Variants in PLA2R1 observed in about 807,000 individuals in gnomAD.
PLA2R1 encodes the protein phospholipase A2 receptor 1.
Under a neutral mutation model 195.9 loss-of-function variants are expected in PLA2R1, and 158 were observed. That is an observed-to-expected ratio of 0.81 (90% CI 0.71 to 0.92). The LOEUF is 0.92. Among genes scored for constraint, PLA2R1 ranks in the 40% least tolerant of loss-of-function variants. The pLI, the probability that PLA2R1 is intolerant of heterozygous loss-of-function variation, is 0.00. For missense variants in PLA2R1, 1,626 were observed against 1,764.6 expected, an observed-to-expected ratio of 0.92 and a Z score of 1.41; for synonymous variants, 586 against 598.2, an observed-to-expected ratio of 0.98 and a Z score of 0.30.
chr2:160,003,324 CT>C (rs1369411681), intron 11 of PLA2R1, among the ~76,000 whole-genome samples: 3 of 151,760 alleles, frequency 2.0e-5, no homozygotes, highest in African/African-American at 7.3e-5. Context: ...AAAATATAAA[CT>C]TTTTTACTAC....
At chr2:159,964,796 C>T (rs1210385521) in intron 20 of PLA2R1, among the ~76,000 whole-genome samples, 7 of 151,902 alleles carry the variant, frequency 4.6e-5, no homozygotes, top group Non-Finnish European at 8.8e-5. Flanking sequence ...TTTGGGAGAC[C>T]AAGGCGGGCG....
Position 159,967,581 on chromosome 2 carries a change from T to C in PLA2R1, c.2862A>G (p.Gln954=). ...GCCATCCTTTGGGACACGTTCCATG[T>C]TGTTTTGGTGTATCTTTCTTTTTCT... ...LIEKKKDTPK[Q]HGTCPKGWLY... Residue 954 remains glutamine, a synonymous_variant, in exon 20 of 30, where the codon CAA becomes CAG. Coordinates refer to ENST00000283243, the MANE Select transcript of PLA2R1 (RefSeq NM_007366.5). 6.2e-7 allele frequency: 1 copy of C among 1,613,836 alleles called. No homozygotes were observed. Among genetic ancestry groups the C allele is most frequent in the Non-Finnish European group, 8.5e-7 (1 of 1,179,762 alleles).
At chr2:159,946,273 G>C in intron 27 of PLA2R1, 2 of 985,104 alleles carry the variant, frequency 2.0e-6, no homozygotes, top group Non-Finnish European at 2.4e-6. Flanking sequence ...GTACACCACT[G>C]TAACAAGCTC....
intron 18 of PLA2R1, among the ~76,000 whole-genome samples, 161 bp downstream of exon 18, chr2:159,969,987 A>G (rs553747983): frequency 1.3e-5 from 2 of 152,340 alleles, no homozygotes; most frequent in Non-Finnish European, 2.9e-5. Context: ...TTTCATAAGC[A>G]TATTCTTTAA....
At chr2:160,050,485 C>G (rs1437950720) in intron 1 of PLA2R1, among the ~76,000 whole-genome samples, 1 of 152,100 alleles carries the variant, frequency 6.6e-6, no homozygotes, top group Non-Finnish European at 1.5e-5. Context: ...AGTTTTATAT[C>G]TATCTACTAT....
chr2:160,050,408 A>G (rs780206928), intron 1 of PLA2R1, among the ~76,000 whole-genome samples: 2 of 152,146 alleles, frequency 1.3e-5, no homozygotes, highest in Non-Finnish European at 2.9e-5. Flanking sequence ...GCTGGATGGA[A>G]CTGTAAAGAT....
chr2:160,002,615 A>C (rs924476628), intron 11 of PLA2R1, among the ~76,000 whole-genome samples: 38 of 152,146 alleles, frequency 2.5e-4, no homozygotes, highest in African/African-American at 8.9e-4. Context: ...GGAGCTTTTT[A>C]AAAAATGCGG....
At chr2:159,972,056 T>C (rs1689226450) in intron 17 of PLA2R1, among the ~76,000 whole-genome samples, 1 of 152,146 alleles carries the variant, frequency 6.6e-6, no homozygotes, top group African/African-American at 2.4e-5. Context: ...TAAAGAGGTT[T>C]CATGTGCCAC....
chr2:160,050,522 C>T (rs1369985801), intron 1 of PLA2R1, among the ~76,000 whole-genome samples: 2 of 152,170 alleles, frequency 1.3e-5, no homozygotes, highest in Non-Finnish European at 1.5e-5. Context: ...GCTTTATTTA[C>T]ATGCATTCAT....
chr2:159,963,820 T>A (rs1246959737), intron 20 of PLA2R1, among the ~76,000 whole-genome samples: 1 of 152,200 alleles, frequency 6.6e-6, no homozygotes, highest in Non-Finnish European at 1.5e-5. Context: ...CATTTGTCAG[T>A]TCCTCAAAAA....
chr2:160,032,544 C>T (rs1008481588), intron 4 of PLA2R1, among the ~76,000 whole-genome samples: 1 of 152,126 alleles, frequency 6.6e-6, no homozygotes, highest in African/African-American at 2.4e-5. Context: ...CACCAGAAGG[C>T]CTATGATGTA....
chr2:159,963,792 T>A (rs769764898), intron 20 of PLA2R1, among the ~76,000 whole-genome samples: 14 of 152,182 alleles, frequency 9.2e-5, no homozygotes, highest in African/African-American at 1.7e-4. Flanking sequence ...GTAAAATGGT[T>A]TGGTCGCTGT....
chr2:159,952,593 C>T (rs552735752), intron 23 of PLA2R1, among the ~76,000 whole-genome samples: 1 of 152,222 alleles, frequency 6.6e-6, no homozygotes, highest in African/African-American at 2.4e-5. Context: ...GGGACTTAAT[C>T]CTATTCCTGG....
chr2:159,954,015 G>T (rs1279946060), intron 23 of PLA2R1, among the ~76,000 whole-genome samples: 1 of 152,136 alleles, frequency 6.6e-6, no homozygotes, highest in East Asian at 1.9e-4. Flanking sequence ...TTGTATTTTA[G>T]TAGAGACGGG....
At chr2:160,001,737 C>T (rs1008662467) in intron 11 of PLA2R1, among the ~76,000 whole-genome samples, 42 of 151,776 alleles carry the variant, frequency 2.8e-4, no homozygotes, top group Non-Finnish European at 1.0e-4. Flanking sequence ...ACTACTATAC[C>T]GATTTTGACA....
chr2:159,981,067 G>A (rs1197762822), intron 13 of PLA2R1, among the ~76,000 whole-genome samples: 2 of 152,128 alleles, frequency 1.3e-5, no homozygotes, highest in Non-Finnish European at 2.9e-5. Context: ...CTCTCCTGGT[G>A]TTGTGACCTT....
intron 1 of PLA2R1, among the ~76,000 whole-genome samples, chr2:160,047,714 G>A (rs917862686): frequency 6.6e-6 from 1 of 152,182 alleles, no homozygotes; most frequent in Non-Finnish European, 1.5e-5. Context: ...TTTTTAATAC[G>A]AAAGAGAAAA....
chr2:160,039,267 T>C (rs1425781641), intron 3 of PLA2R1, among the ~76,000 whole-genome samples: 1 of 152,152 alleles, frequency 6.6e-6, no homozygotes, highest in East Asian at 1.9e-4. Flanking sequence ...CGTAAAAATA[T>C]CTCAAATTAA....
intron 10 of PLA2R1, among the ~76,000 whole-genome samples, chr2:160,008,873 T>A (rs920450521): frequency 3.9e-5 from 6 of 152,034 alleles, no homozygotes; most frequent in Non-Finnish European, 8.8e-5. Context: ...ACATCCCAAT[T>A]AAAAAATGGA....
Sources: allele counts gnomAD v4.1 joint callset (sites outside exome capture counted in the v4.1 genomes callset), GRCh38; gene constraint gnomAD v4.1.1; transcripts MANE v1.5; gene names NCBI Gene and HGNC (gene_info 2026-07-23, HGNC 2026-07-21).